Variants in GNB1 observed in about 807,000 individuals in gnomAD.
The protein encoded by GNB1 is guanine nucleotide-binding protein G(I)/G(S)/G(T) subunit beta-1.
In GNB1, 2 loss-of-function variants were observed where a neutral mutation model predicts 42.9. The ratio of observed to expected loss-of-function variants is 0.05; its 90% confidence interval spans 0.02 to 0.15. The LOEUF (loss-of-function observed/expected upper bound fraction) is 0.15, where lower values mean the gene tolerates loss of function less well. GNB1 is among the 10% of genes least tolerant of loss of function. The pLI is 1.00. For synonymous variants in GNB1, 183 were observed against 174.7 expected (o/e 1.05, Z -0.38); for missense variants, 193 against 462.2 (o/e 0.42, Z 5.34).
At chr1:1,810,903 G>C (rs1025122280) in intron 5 of GNB1, among the ~76,000 whole-genome samples, 4 of 151,354 alleles carry the variant, frequency 2.6e-5, no homozygotes, top group Non-Finnish European at 4.4e-5. Context: ...CCTGACCTCA[G>C]GTGATCCACC....
At chr1:1,880,132 T>C (rs1333384853) in intron 1 of GNB1, among the ~76,000 whole-genome samples, 1 of 151,940 alleles carries the variant, frequency 6.6e-6, no homozygotes, top group Non-Finnish European at 1.5e-5. Flanking sequence ...GGGGTCTCAC[T>C]ATGTTGCCCA....
intron 1 of GNB1, among the ~76,000 whole-genome samples, chr1:1,840,355 C>T (rs767994880): frequency 6.6e-6 from 1 of 152,108 alleles, no homozygotes; most frequent in Non-Finnish European, 1.5e-5. Flanking sequence ...GGTGAAACCT[C>T]ATCTCTACTA....
At chr1:1,808,383 TA>T (rs1243398796) in intron 5 of GNB1, among the ~76,000 whole-genome samples, 2 of 151,210 alleles carry the variant, frequency 1.3e-5, no homozygotes, top group Admixed American at 1.3e-4. Flanking sequence ...AGGAGCTCCA[TA>T]CTACAAAGGA....
chr1:1,801,344 A>G (rs748123668), intron 7 of GNB1, among the ~76,000 whole-genome samples: 68 of 152,124 alleles, frequency 4.5e-4, no homozygotes, highest in Admixed American at 9.8e-4. Context: ...CATGCTTTTC[A>G]TATTTATTCA....
chr1:1,864,865 GCTACAATTAGCTTAACCAATTACATTT>G (rs761488691), intron 1 of GNB1, among the ~76,000 whole-genome samples: 7 of 152,142 alleles, frequency 4.6e-5, no homozygotes, highest in Non-Finnish European at 7.4e-5. Flanking sequence ...GGTTTCATCA[GCTACAATTAGCTTAACCAATTACATTT>G]TACTTGGCCT....
At chr1:1,793,515 A>C in intron 7 of GNB1, 1 of 446,108 alleles carries the variant, frequency 2.2e-6, no homozygotes, top group Non-Finnish European at 4.2e-6. Flanking sequence ...GCCAGGCAGG[A>C]CAGCACGTCC....
intron 1 of GNB1, among the ~76,000 whole-genome samples, chr1:1,880,540 C>T (rs1649786605): frequency 6.6e-6 from 1 of 151,778 alleles, no homozygotes; most frequent in Non-Finnish European, 1.5e-5. Flanking sequence ...GAGCCGAGAT[C>T]GCGCCACTGC....
At chr1:1,842,203 G>A (rs1481761521) in intron 1 of GNB1, among the ~76,000 whole-genome samples, 1 of 152,212 alleles carries the variant, frequency 6.6e-6, no homozygotes, top group Non-Finnish European at 1.5e-5. Context: ...GGCCAAGGCG[G>A]GCAGATCACA....
At chr1:1,806,678 G>GA (rs1411752293) in intron 5 of GNB1, 140 bp from the exon 6 acceptor site, 17 of 537,526 alleles carry the variant, frequency 3.2e-5, no homozygotes, top group Admixed American at 1.0e-4. Context: ...TTATTTATAA[G>GA]AAAAAAAATC....
chr1:1,800,244 T>C (rs919068947), intron 7 of GNB1, among the ~76,000 whole-genome samples: 2 of 152,136 alleles, frequency 1.3e-5, no homozygotes, highest in Non-Finnish European at 2.9e-5. Context: ...AGACAAGAAC[T>C]CTAAAGGCAG....
chr1:1,831,609 T>C (rs1048925723), intron 2 of GNB1, among the ~76,000 whole-genome samples: 1 of 151,736 alleles, frequency 6.6e-6, no homozygotes, highest in Admixed American at 6.6e-5. Flanking sequence ...CCACCACACC[T>C]GGCTAATTTT....
At chr1:1,835,922 GAAA>G (rs59271649) in intron 2 of GNB1, among the ~76,000 whole-genome samples, 5 of 88,680 alleles carry the variant, frequency 5.6e-5, no homozygotes, top group Non-Finnish European at 1.0e-4. Flanking sequence ...ATTAAAAAAA[GAAA>G]AAAAAAAAAA....
chr1:1,787,650 G>A lies in GNB1; in HGVS notation c.917-213C>T, dbSNP rs542948971. Among the ~76,000 whole-genome samples, 10 of 152,160 alleles carry A rather than the reference G, an allele frequency of 6.6e-5. No individual in the cohort carries two copies. The highest frequency in any genetic ancestry group is 2.4e-4 in the African/African-American group (10 of 41,502). Reference sequence around the variant, plus strand: ...AAAATTCAAAGACACGCACACACACGCAATCGATAAATCCAGAGCCCCTGG... The same window carrying A: ...AAAATTCAAAGACACGCACACACACACAATCGATAAATCCAGAGCCCCTGG... On this transcript the variant is annotated intron_variant, in intron 10 of 11. Coordinates refer to ENST00000378609, the MANE Select transcript of GNB1 (RefSeq NM_002074.5). This position sits in a 1 kb window ranked among gnomAD's most constrained non-coding sequence, Gnocchi z 4.4.
At chr1:1,789,467 T>G (rs1423937784) in intron 9 of GNB1, among the ~76,000 whole-genome samples, 198 bp from the exon 10 acceptor site, 1 of 151,710 alleles carries the variant, frequency 6.6e-6, no homozygotes, top group Non-Finnish European at 1.5e-5. Context: ...CTGACGCGGG[T>G]GGATCACCTG....
chr1:1,872,001 T>C (rs922609937), intron 1 of GNB1, among the ~76,000 whole-genome samples: 22 of 151,936 alleles, frequency 1.4e-4, no homozygotes, highest in Non-Finnish European at 2.7e-4. Flanking sequence ...ACAATCTTTT[T>C]TCTTTTTTTT....
chr1:1,846,893 G>A (rs933661721), intron 1 of GNB1, among the ~76,000 whole-genome samples: 3 of 152,116 alleles, frequency 2.0e-5, no homozygotes, highest in African/African-American at 4.8e-5. Flanking sequence ...AGAATTTAAT[G>A]CCAGCAAAAG....
intron 1 of GNB1, among the ~76,000 whole-genome samples, chr1:1,890,031 G>A (rs1230376046): frequency 6.6e-6 from 1 of 151,988 alleles, no homozygotes; most frequent in African/African-American, 2.4e-5. Context: ...CCCCACAAAG[G>A]CAGCGGTGGG....
intron 5 of GNB1, among the ~76,000 whole-genome samples, chr1:1,813,206 G>A (rs1181327940): frequency 2.7e-5 from 4 of 148,844 alleles, no homozygotes; most frequent in African/African-American, 9.9e-5. Context: ...GTGCAATTTC[G>A]GCTCACAGTA....
At chr1:1,804,706 T>C (rs564233606) in intron 6 of GNB1, 125 bp from the exon 7 acceptor site, 38 of 687,574 alleles carry the variant, frequency 5.5e-5, no homozygotes, top group Non-Finnish European at 8.0e-5. Flanking sequence ...GCCAAAATTA[T>C]CTAGAGAGCG....
Sources: gnomAD v4.1 joint callset for allele counts (sites outside exome capture counted in the v4.1 genomes callset) on GRCh38, gnomAD v4.1.1 for gene constraint, Gnocchi (gnomAD v3.1) non-coding constraint, MANE v1.5 for transcripts, NCBI Gene and HGNC (gene_info 2026-07-23, HGNC 2026-07-21) for gene names.